Variants in MAGI2 observed in about 807,000 individuals in gnomAD.
The protein encoded by MAGI2 is membrane-associated guanylate kinase, WW and PDZ domain-containing protein 2.
Under a neutral mutation model 133.3 loss-of-function variants are expected in MAGI2, and 35 were observed. That is an observed-to-expected ratio of 0.26 (90% CI 0.20 to 0.35). The LOEUF (loss-of-function observed/expected upper bound fraction) is 0.35. Among genes scored for constraint, MAGI2 ranks in the 10% least tolerant of loss-of-function variants. The pLI, the probability that MAGI2 is intolerant of heterozygous loss-of-function variation, is 1.00. For synonymous variants in MAGI2, 729 were observed against 710.6 expected, an observed-to-expected ratio of 1.03 and a Z score of -0.41; for missense variants, 1,636 against 1,863.4, an observed-to-expected ratio of 0.88 and a Z score of 2.25.
chr7:78,807,490 T>C (rs1258232108), intron 2 of MAGI2, among the ~76,000 whole-genome samples: 1 of 152,158 alleles, frequency 6.6e-6, no homozygotes. Flanking sequence ...ACATGTCATA[T>C]AGCCCCTGGA....
chr7:78,128,854 C>T (rs1207074366), intron 18 of MAGI2, among the ~76,000 whole-genome samples: 1 of 152,096 alleles, frequency 6.6e-6, no homozygotes, highest in African/African-American at 2.4e-5. Flanking sequence ...TGCTTTATAC[C>T]TCAATTGTCC....
chr7:79,447,416 T>C (rs1336797953), intron 1 of MAGI2, among the ~76,000 whole-genome samples: 1 of 152,148 alleles, frequency 6.6e-6, no homozygotes, highest in Non-Finnish European at 1.5e-5. Context: ...TTTGTTGTCA[T>C]AATATATAGC....
chr7:79,302,971 T>A (rs1000311333), intron 1 of MAGI2, among the ~76,000 whole-genome samples: 3 of 152,232 alleles, frequency 2.0e-5, no homozygotes, highest in African/African-American at 7.2e-5. Context: ...TAATTACACA[T>A]GAGTCATACT....
chr7:78,489,174 A>G (rs570100001), intron 6 of MAGI2, among the ~76,000 whole-genome samples: 1 of 152,072 alleles, frequency 6.6e-6, no homozygotes, highest in South Asian at 2.1e-4. Flanking sequence ...CTAGTCCTCA[A>G]AATTATTTTT....
chr7:78,719,217 T>A (rs1820020039), intron 2 of MAGI2, among the ~76,000 whole-genome samples: 1 of 152,216 alleles, frequency 6.6e-6, no homozygotes, highest in Admixed American at 6.5e-5. Flanking sequence ...CTCAAGGATC[T>A]GACACATGCT....
intron 15 of MAGI2, among the ~76,000 whole-genome samples, chr7:78,163,958 A>G (rs1297409340): frequency 6.6e-6 from 1 of 151,682 alleles, no homozygotes; most frequent in Admixed American, 6.6e-5. Flanking sequence ...GGAGATTTTT[A>G]TAGAAATACT....
intron 1 of MAGI2, among the ~76,000 whole-genome samples, chr7:79,211,948 C>T (rs41522147): frequency 0.045 from 6,777 of 151,976 alleles, 283 homozygotes; most frequent in African/African-American, 0.093. Flanking sequence ...GTAATAATAC[C>T]TGTGCATTGC....
chr7:79,004,478 G>T (rs965016259), intron 2 of MAGI2, among the ~76,000 whole-genome samples: 1 of 152,226 alleles, frequency 6.6e-6, no homozygotes, highest in Non-Finnish European at 1.5e-5. Flanking sequence ...ATGAAGAGAG[G>T]TAGATTAATG....
At chr7:78,078,742 T>C in intron 21 of MAGI2, 1 of 623,052 alleles carries the variant, frequency 1.6e-6, no homozygotes, top group South Asian at 2.0e-5. Context: ...AAAGAAAGAG[T>C]TCACACACAT....
At chr7:79,344,737 G>A (rs1440679322) in intron 1 of MAGI2, among the ~76,000 whole-genome samples, 2 of 152,056 alleles carry the variant, frequency 1.3e-5, no homozygotes, top group Non-Finnish European at 2.9e-5. Flanking sequence ...GTTGTACCTT[G>A]AGGGTAACAA....
chr7:79,396,903 C>A (rs968346939), intron 1 of MAGI2, among the ~76,000 whole-genome samples: 1 of 151,958 alleles, frequency 6.6e-6, no homozygotes, highest in Middle Eastern at 3.4e-3. Flanking sequence ...AACACCTTGA[C>A]GGTTAGTAGC....
intron 3 of MAGI2, among the ~76,000 whole-genome samples, chr7:78,561,813 G>T (rs1319052321): frequency 1.3e-5 from 2 of 152,178 alleles, no homozygotes; most frequent in African/African-American, 2.4e-5. Context: ...GCAGGGGATA[G>T]GCTAAAGTAA....
At chr7:79,084,530 GT>G (rs1816316508) in intron 1 of MAGI2, among the ~76,000 whole-genome samples, 1 of 151,630 alleles carries the variant, frequency 6.6e-6, no homozygotes, top group Admixed American at 6.6e-5. Flanking sequence ...AATGACTTCA[GT>G]TTTTCAATGT....
intron 2 of MAGI2, among the ~76,000 whole-genome samples, chr7:78,702,765 G>C (rs960512912): frequency 1.3e-5 from 2 of 151,906 alleles, no homozygotes; most frequent in Non-Finnish European, 2.9e-5. Flanking sequence ...TGGATGACTA[G>C]GTAGATAAAA....
At chr7:78,519,418 C>T (rs1418889564) in intron 4 of MAGI2, among the ~76,000 whole-genome samples, 1 of 152,170 alleles carries the variant, frequency 6.6e-6, no homozygotes, top group Non-Finnish European at 1.5e-5. Flanking sequence ...ATAAGGGCCA[C>T]TTGTCCAGCA....
chr7:79,114,535 T>C (rs761558678), intron 1 of MAGI2, among the ~76,000 whole-genome samples: 3 of 152,172 alleles, frequency 2.0e-5, no homozygotes, highest in Non-Finnish European at 4.4e-5. Flanking sequence ...TACCCCCATT[T>C]GAGAGAGAAA....
intron 10 of MAGI2, among the ~76,000 whole-genome samples, chr7:78,210,230 T>C (rs1787637382): frequency 6.6e-6 from 1 of 152,216 alleles, no homozygotes; most frequent in South Asian, 2.1e-4. Context: ...GTATCCCCAG[T>C]ACTTAGCAAA....
intron 1 of MAGI2, among the ~76,000 whole-genome samples, chr7:79,271,615 G>A (rs961951969): frequency 5.3e-5 from 8 of 150,730 alleles, no homozygotes; most frequent in African/African-American, 1.9e-4. Flanking sequence ...CTATGCTAGG[G>A]ATAATAAGGA....
At chr7:78,825,340 A>G (rs1348200363) in intron 2 of MAGI2, among the ~76,000 whole-genome samples, 1 of 152,244 alleles carries the variant, frequency 6.6e-6, no homozygotes. Flanking sequence ...TAGCTCCCAA[A>G]TTACAAAATG....
Sources: gnomAD v4.1 joint callset for allele counts (sites outside exome capture counted in the v4.1 genomes callset) on GRCh38, gnomAD v4.1.1 for gene constraint, MANE v1.5 for transcripts, NCBI Gene and HGNC (gene_info 2026-07-23, HGNC 2026-07-21) for gene names.